The following ADGRE2 variants were observed in gnomAD, a reference collection of about 807,000 sequenced individuals.
The protein encoded by ADGRE2 is adhesion G protein-coupled receptor E2.
ADGRE2 carries 83 observed loss-of-function variants against 100.8 expected under a neutral mutation model. The ratio of observed to expected loss-of-function variants is 0.82; its 90% CI spans 0.69 to 0.99. The LOEUF (loss-of-function observed/expected upper bound fraction) is 0.99, where lower values mean the gene tolerates loss of function less well. ADGRE2 is among the 50% of genes least tolerant of loss of function. The probability of loss-of-function intolerance (pLI) is 0.00; values close to 1 mark genes in which losing one functional copy is unlikely to be tolerated. For synonymous variants in ADGRE2, 355 were observed against 413.0 expected (o/e 0.86, Z 1.70); for missense variants, 814 against 1,035.7 (o/e 0.79, Z 2.94).
At chr19:14,747,030 T>A in intron 16 of ADGRE2, 68 bp from the exon 17 acceptor site, 1 of 1,305,874 alleles carries the variant, frequency 7.7e-7, no homozygotes. Context: ...GTAAATCTAT[T>A]CCATCCCTCC....
rs1480932307 is a variant in ADGRE2, at chr19:14,735,572, G to C, written c.*664C>G. Reference sequence around the variant, plus strand: ...GCATGTTGGTGTGAAGACGAAAGAAGACAGTGTTTATAAAATAGTTTATAC... The same window carrying C: ...GCATGTTGGTGTGAAGACGAAAGAACACAGTGTTTATAAAATAGTTTATAC... On this transcript the variant is annotated 3_prime_UTR_variant, in exon 21 of 21. Transcript: ENST00000315576. 6.6e-6 allele frequency: 1 copy of C among 152,178 alleles called. No homozygotes were observed. The highest frequency in any genetic ancestry group is 1.5e-5 in the Non-Finnish European group (1 of 68,034). The allele number at this position is 152,178 out of a possible 1,614,324, so 9.4% of individuals were successfully genotyped here. A position where few individuals can be genotyped will look rare whatever the true frequency, so the allele number is the denominator to read the frequency against.
At position 14,764,558 on chromosome 19, in the gene ADGRE2, G is replaced by T. The variant is rs376972284; in HGVS notation, c.959C>A (p.Thr320Asn). The change falls in exon 11 of 21, where the codon ACC (threonine) becomes AAC (asparagine). Residue 320 changes from threonine (T) to asparagine (N), a missense_variant. By Grantham distance (65) the Thr-to-Asn change is moderately conservative (BLOSUM62 0). Transcript: ENST00000315576. The part of the protein sequence containing the change: ...ELLEAPGDLE[T>N]LPRLQQHCVA... ...ACAGTGCTGCTGTAAGCGGGGCAGG[G>T]TCTCCAGGTCCCCAGGGGCCTCCAG... 6.2e-7 allele frequency: 1 copy of T among 1,612,764 alleles called. No homozygotes were observed. The highest frequency in any genetic ancestry group is 1.3e-5 in the African/African-American group (1 of 74,934).
rs764342470 is a variant in ADGRE2, at chr19:14,746,249, G to A, written c.2166C>T (p.Ser722=). 2 of 1,602,522 alleles carry A rather than the reference G, an allele frequency of 1.2e-6. No individual in the cohort carries two copies. The highest frequency in any genetic ancestry group is 1.7e-6 in the Non-Finnish European group (2 of 1,169,880). Residue 722 remains serine (S), a synonymous_variant, in exon 18 of 21, where the codon TCC becomes TCT. Coordinates refer to ENST00000315576, the MANE Select transcript of ADGRE2 (RefSeq NM_013447.4). The part of the protein sequence containing the change: ...NRLSSLNSEV[S]TLRNTRMLAF... ...CATCTTACCTTGTGTTCCGGAGGGT[G>A]GACACTTCACTATTGAGGGAGGAGA...
At chr19:14,743,589 T>A (rs1048269127) in intron 19 of ADGRE2, 27 bp downstream of exon 19, 1 of 1,613,308 alleles carries the variant, frequency 6.2e-7, no homozygotes, top group Non-Finnish European at 8.5e-7. Flanking sequence ...ACAGGAAGAG[T>A]CCTGGGTGGG....
At chr19:14,776,237 G>C (rs1025212211) in intron 2 of ADGRE2, among the ~76,000 whole-genome samples, 6 of 152,106 alleles carry the variant, frequency 3.9e-5, no homozygotes, top group Admixed American at 6.6e-5. Flanking sequence ...GAGATAGAGA[G>C]ACTGAAAGAG....
chr19:14,758,106 CT>C (rs1182377691), intron 11 of ADGRE2, among the ~76,000 whole-genome samples: 8 of 152,222 alleles, frequency 5.3e-5, no homozygotes, highest in Admixed American at 2.6e-4. Context: ...CCACCACCCC[CT>C]GTCAATGAAT....
intron 20 of ADGRE2, among the ~76,000 whole-genome samples, chr19:14,740,373 G>A (rs909954872): frequency 6.6e-6 from 1 of 152,048 alleles, no homozygotes; most frequent in Admixed American, 6.6e-5. Context: ...TGTAATCCTA[G>A]TACTTTGGGA....
rs781576897 is a variant in ADGRE2 at position 14,773,950 on chromosome 19, C to T, written c.187G>A (p.Glu63Lys). The T allele has an allele frequency of 1.4e-5, 22 of 1,614,170 alleles. No individual in the cohort carries two copies. The South Asian group carries it at 2.3e-4, about 17-fold the overall frequency. ...SFSEIITTPM[E>K]TCDDINECAT... is the part of the protein sequence containing the mutation. ...CAAGCCTCTGTACCGTCACAAGTCT[C>T]CATGGGGGTGGTGATGATCTCAGAA... is the stretch of plus-strand genomic sequence containing the variant. Residue 63 changes from glutamate to lysine, a missense_variant, in exon 4 of 21, where the codon GAG becomes AAG. Glu to Lys is a moderately conservative substitution (Grantham distance 56, BLOSUM62 1). Coordinates refer to ENST00000315576, the MANE Select transcript of ADGRE2 (RefSeq NM_013447.4).
rs116865959 is a variant in ADGRE2 at position 14,743,959 on chromosome 19, G to A, written c.2184-175C>T. 9.9e-3 allele frequency among the ~76,000 whole-genome samples: 1,506 copies of A among 152,318 alleles called. 10 individuals are homozygous for A. Among genetic ancestry groups the A allele is most frequent in the Middle Eastern group, 0.031 (9 of 294 alleles). On this transcript the variant is annotated intron_variant, in intron 18 of 20. Transcript: ENST00000315576. ...GCCCACAGTAGAAATGCCACCTGGG[G>A]TTGGCCACGGTGGCTCATGCCTGTA...
Position 14,734,404 on chromosome 19 carries a change from A to C in ADGRE2, c.*1832T>G, listed in dbSNP as rs2335211. The C allele has an allele frequency of 0.22, 33,951 of 151,882 alleles. 3,995 individuals are homozygous for C. Among genetic ancestry groups the C allele is most frequent in the Non-Finnish European group, 0.26 (17,642 of 67,980 alleles). 9.4% of individuals were successfully genotyped at this position (151,882 alleles called of 1,614,324 possible). The stretch of plus-strand genomic sequence containing the variant: ...TGGTGGTACACACCTGTAGTTTCAA[A>C]TACCTGGAGGGGGACTGAGGCAGGA... On this transcript the variant is annotated 3_prime_UTR_variant, in exon 21 of 21. Transcript: ENST00000315576.
downstream of ADGRE2, among the ~76,000 whole-genome samples, chr19:14,727,883 G>C (rs1287547071): frequency 6.6e-6 from 1 of 152,158 alleles, no homozygotes; most frequent in Non-Finnish European, 1.5e-5. Flanking sequence ...AGTAAACTGA[G>C]CTATCTTACC....
chr19:14,743,806 G>A, intron 18 of ADGRE2, 22 bp from the exon 19 acceptor site: 1 of 1,611,432 alleles, frequency 6.2e-7, no homozygotes, highest in Non-Finnish European at 8.5e-7. Context: ...AAGAAAGGAG[G>A]CTGGTGATGC....
intron 5 of ADGRE2, among the ~76,000 whole-genome samples, chr19:14,770,669 C>CTTTTTTTTTTTTTTTTTTTTTTTTTTTT (rs775214778): frequency 2.4e-5 from 2 of 85,012 alleles, no homozygotes; most frequent in African/African-American, 4.6e-5. Context: ...TCTTTCTTTT[C>CTTTTTTTTTTTTTTTTTTTTTTTTTTTT]TTTTTTTTTT....
At chr19:14,748,537 G>T (rs531134445) in intron 16 of ADGRE2, among the ~76,000 whole-genome samples, 1 of 152,248 alleles carries the variant, frequency 6.6e-6, no homozygotes, top group African/African-American at 2.4e-5. Context: ...TCAATCTCTT[G>T]ACCTTGTGAT....
At position 14,735,808 on chromosome 19, in the gene ADGRE2, TAAG is replaced by T. The variant is rs1380615787; in HGVS notation, c.*425_*427del. ...AACAACAAAAACAAAAACAAAAAAT[TAAG>T]AAATCCAGATCGTGGTGTGAACATT... On this transcript the variant is annotated 3_prime_UTR_variant, in exon 21 of 21. Transcript: ENST00000315576. 1.9e-5 allele frequency: 3 copies of T among 154,822 alleles called. No homozygotes were observed. Among genetic ancestry groups the T allele is most frequent in the Non-Finnish European group, 4.3e-5 (3 of 69,900 alleles). 9.6% of individuals were successfully genotyped at this position (154,822 alleles called of 1,614,324 possible). A position where few individuals can be genotyped will look rare whatever the true frequency, so the allele number is the denominator to read the frequency against.
At chr19:14,770,518 C>T (rs980936685) in intron 5 of ADGRE2, among the ~76,000 whole-genome samples, 25 of 151,908 alleles carry the variant, frequency 1.6e-4, no homozygotes, top group Admixed American at 1.3e-3. Flanking sequence ...ATGACCACCA[C>T]GTACAGTTGT....
chr19:14,752,744 G>T (rs2043341001), intron 14 of ADGRE2, among the ~76,000 whole-genome samples: 1 of 151,842 alleles, frequency 6.6e-6, no homozygotes, highest in African/African-American at 2.4e-5. Flanking sequence ...GTGACAACGG[G>T]TGTGCATTAT....
chr19:14,736,699 AAT>A (rs1165896885), intron 20 of ADGRE2, among the ~76,000 whole-genome samples: 29 of 143,388 alleles, frequency 2.0e-4, no homozygotes, highest in East Asian at 1.3e-3. Context: ...GATATTTAGA[AAT>A]ATATAGATAT....
intron 15 of ADGRE2, 116 bp downstream of exon 15, chr19:14,752,213 A>G (rs907501557): frequency 1.3e-4 from 170 of 1,317,872 alleles, no homozygotes; most frequent in Non-Finnish European, 1.7e-4. Flanking sequence ...GATTACAGGC[A>G]TGAGCCACCA....
Sources: allele counts gnomAD v4.1 joint callset (sites outside exome capture counted in the v4.1 genomes callset), GRCh38; gene constraint gnomAD v4.1.1; transcripts MANE v1.5; gene names NCBI Gene and HGNC (gene_info 2026-07-23, HGNC 2026-07-21).